The following PDE7A variants were observed in gnomAD, a reference collection of about 807,000 sequenced individuals.
PDE7A encodes phosphodiesterase 7A.
Under a neutral mutation model 64.3 loss-of-function variants are expected in PDE7A, and 39 were observed. That is an observed-to-expected ratio of 0.61 (90% confidence interval 0.47 to 0.79). PDE7A has a LOEUF of 0.79. PDE7A is among the 30% of genes least tolerant of loss of function. PDE7A has a pLI of 0.00. For synonymous variants in PDE7A, 203 were observed against 206.8 expected (o/e 0.98, Z 0.16); for missense variants, 470 against 582.8 (o/e 0.81, Z 1.99).
At chr8:65,819,704 G>A (rs1810494118) in intron 1 of PDE7A, among the ~76,000 whole-genome samples, 1 of 151,460 alleles carries the variant, frequency 6.6e-6, no homozygotes, top group Non-Finnish European at 1.5e-5. Context: ...ATTGACAAAA[G>A]TTAGTAAGAT....
At chr8:65,727,821 C>G (rs1383721937) in intron 7 of PDE7A, 3 of 152,244 alleles carry the variant, frequency 2.0e-5, no homozygotes, top group Non-Finnish European at 4.4e-5. Context: ...AAGTCTATGT[C>G]AAGTCTGTGA....
intron 3 of PDE7A, among the ~76,000 whole-genome samples, chr8:65,753,828 T>G (rs1023654411): frequency 2.6e-5 from 4 of 152,230 alleles, no homozygotes; most frequent in African/African-American, 9.6e-5. Context: ...TTATCATTAT[T>G]ATATCTTCCT....
intron 7 of PDE7A, among the ~76,000 whole-genome samples, chr8:65,733,846 G>A (rs1807010219): frequency 6.6e-6 from 1 of 152,182 alleles, no homozygotes; most frequent in Non-Finnish European, 1.5e-5. Context: ...GCACAAGCCA[G>A]TTTGGTCATC....
intron 1 of PDE7A, among the ~76,000 whole-genome samples, chr8:65,840,523 A>T (rs1811055808): frequency 6.6e-6 from 1 of 152,234 alleles, no homozygotes; most frequent in Non-Finnish European, 1.5e-5. Context: ...GATTAATAAA[A>T]GTGATCATTA....
Position 65,779,892 on chromosome 8 carries a change from T to C in PDE7A, c.200-89A>G, listed in dbSNP as rs1023792180. 10 of 689,518 alleles carry C rather than the reference T, an allele frequency of 1.5e-5. No individual in the cohort carries two copies. The Admixed American group carries it at 1.8e-4, about 12-fold the overall frequency. The allele number at this position is 689,518 out of a possible 1,614,324, so 42.7% of individuals were successfully genotyped here. ...TGCAACAAAGGTCCGTGTGGTATCA[T>C]ATTCATAAGTAACAGCCCACTGATC... On this transcript the variant is annotated intron_variant, in intron 2 of 12. Coordinates refer to ENST00000401827, the MANE Select transcript of PDE7A (RefSeq NM_001242318.3).
At chr8:65,776,068 T>C (rs549165313) in intron 3 of PDE7A, among the ~76,000 whole-genome samples, 1 of 152,340 alleles carries the variant, frequency 6.6e-6, no homozygotes, top group South Asian at 2.1e-4. Context: ...AAATCAATGT[T>C]ATTGATTTAG....
chr8:65,800,285 C>A (rs868782149), intron 1 of PDE7A, among the ~76,000 whole-genome samples: 2 of 152,260 alleles, frequency 1.3e-5, no homozygotes, highest in Middle Eastern at 3.4e-3. Flanking sequence ...CACCCCCTAG[C>A]CAGTTAACAT....
chr8:65,746,718 A>T (rs1170909761), intron 4 of PDE7A, among the ~76,000 whole-genome samples: 2 of 152,218 alleles, frequency 1.3e-5, no homozygotes, highest in Non-Finnish European at 2.9e-5. Flanking sequence ...ACTAATAACA[A>T]CAAATGACAT....
At chr8:65,729,895 A>AT (rs1806779804) in intron 7 of PDE7A, among the ~76,000 whole-genome samples, 1 of 151,918 alleles carries the variant, frequency 6.6e-6, no homozygotes, top group Non-Finnish European at 1.5e-5. Flanking sequence ...TTGACACATT[A>AT]TGTCCATCCT....
chr8:65,814,974 G>A (rs540687514), intron 1 of PDE7A, among the ~76,000 whole-genome samples: 2 of 152,112 alleles, frequency 1.3e-5, no homozygotes, highest in South Asian at 2.1e-4. Context: ...CCAGCTACTC[G>A]GGAGGCTGAG....
intron 3 of PDE7A, among the ~76,000 whole-genome samples, chr8:65,761,976 AGCCTCTG>A (rs1808519381): frequency 6.6e-6 from 1 of 152,178 alleles, no homozygotes. Flanking sequence ...TTAACAGAAA[AGCCTCTG>A]GCTCTTGAGA....
At chr8:65,833,202 T>A (rs571083976) in intron 1 of PDE7A, among the ~76,000 whole-genome samples, 20 of 152,232 alleles carry the variant, frequency 1.3e-4, no homozygotes, top group African/African-American at 4.8e-4. Context: ...CAACTCTCCA[T>A]CTCCATCTCT....
chr8:65,787,989 C>G (rs1332586339), intron 1 of PDE7A, among the ~76,000 whole-genome samples: 1 of 152,084 alleles, frequency 6.6e-6, no homozygotes, highest in Non-Finnish European at 1.5e-5. Context: ...TAAGAGATTT[C>G]TTCAATCATA....
chr8:65,731,594 A>T (rs1806890410), intron 7 of PDE7A: 1 of 152,232 alleles, frequency 6.6e-6, no homozygotes, highest in African/African-American at 2.4e-5. Flanking sequence ...TTTGGGCTCA[A>T]CTTGAACAAA....
intron 1 of PDE7A, among the ~76,000 whole-genome samples, chr8:65,839,057 A>T (rs1361046421): frequency 6.6e-6 from 1 of 152,214 alleles, no homozygotes; most frequent in East Asian, 1.9e-4. Flanking sequence ...TCAGTCAGAG[A>T]TAATTTCATT....
chr8:65,834,684 T>G (rs1256431816), intron 1 of PDE7A, among the ~76,000 whole-genome samples: 1 of 152,166 alleles, frequency 6.6e-6, no homozygotes, highest in Non-Finnish European at 1.5e-5. Flanking sequence ...TGACTTGCCT[T>G]GGTCTTCTCC....
At position 65,717,483 on chromosome 8, in the gene PDE7A, T is replaced by A. The variant is rs757790874; in HGVS notation, c.*1807A>T. 2.0e-5 allele frequency: 3 copies of A among 152,238 alleles called. No individual in the cohort carries two copies. Among genetic ancestry groups the A allele is most frequent in the Non-Finnish European group, 4.4e-5 (3 of 68,026 alleles). 9.4% of individuals were successfully genotyped at this position (152,238 alleles called of 1,614,324 possible). A position where few individuals can be genotyped will look rare whatever the true frequency, so the allele number is the denominator to read the frequency against. ...CCTGGCTCAAAGCTGACCTCTCCCC[T>A]GTGTTAGTCAGGACTCCAACAGCCC... On this transcript the variant is annotated 3_prime_UTR_variant, in exon 13 of 13. Coordinates refer to ENST00000401827, the MANE Select transcript of PDE7A (RefSeq NM_001242318.3).
intron 4 of PDE7A, among the ~76,000 whole-genome samples, chr8:65,746,631 C>T (rs1807689353): frequency 1.3e-5 from 2 of 152,118 alleles, no homozygotes; most frequent in African/African-American, 4.8e-5. Context: ...CAAAAGTTCA[C>T]TGTTGTATAC....
intron 1 of PDE7A, among the ~76,000 whole-genome samples, chr8:65,809,848 C>T (rs545805769): frequency 3.4e-4 from 52 of 152,282 alleles, no homozygotes; most frequent in African/African-American, 1.2e-3. Flanking sequence ...CAGGAAACAA[C>T]AGGTGCTGGA....
Sources: gnomAD v4.1 joint callset for allele counts (sites outside exome capture counted in the v4.1 genomes callset) on GRCh38, gnomAD v4.1.1 for gene constraint, MANE v1.5 for transcripts, NCBI Gene and HGNC (gene_info 2026-07-23, HGNC 2026-07-21) for gene names.